FGF1: variants seen among roughly 807,000 people sequenced by gnomAD.
The protein encoded by FGF1 is fibroblast growth factor 1, also known as beta-endothelial cell growth factor.
Under a neutral mutation model 13.4 loss-of-function variants are expected in FGF1, and 9 were observed. That is an observed-to-expected ratio of 0.67 (90% confidence interval 0.40 to 1.17). FGF1 has a LOEUF of 1.17. FGF1 is among the 50% of genes most tolerant of loss of function. The probability of loss-of-function intolerance (pLI) is 0.01; values close to 1 mark genes in which losing one functional copy is unlikely to be tolerated. For missense variants in FGF1, 156 were observed against 192.7 expected, an observed-to-expected ratio of 0.81 and a Z score of 1.13; for synonymous variants, 93 against 79.0, an observed-to-expected ratio of 1.18 and a Z score of -0.94.
intron 1 of FGF1, among the ~76,000 whole-genome samples, chr5:142,629,128 G>A (rs1205869113): frequency 6.6e-6 from 1 of 152,096 alleles, no homozygotes; most frequent in Non-Finnish European, 1.5e-5. Flanking sequence ...TTTATACAAT[G>A]TAGGAAGTTT....
rs1164672588 is a variant in FGF1 at position 142,662,782 on chromosome 5, AAAAT to A, written c.-35+23171_-35+23174del. On this transcript the variant is annotated intron_variant, in intron 1 of 3. Transcript: ENST00000337706. ...CTTTTCATACTTTGATTAAATACTG[AAAAT>A]AAATAAATCTAACATCCAGTAAAGG... 2.6e-5 allele frequency among the ~76,000 whole-genome samples: 4 copies of A among 152,236 alleles called. No individual in the cohort carries two copies. The East Asian group carries it at 7.7e-4, about 29-fold the overall frequency.
In FGF1 at chr5:142,619,971, C is replaced by A. The variant is rs568302489; in HGVS notation, c.-34-5810G>T. Among the ~76,000 whole-genome samples, 3 of 150,366 alleles carry A rather than the reference C, an allele frequency of 2.0e-5. No homozygotes were observed. In the East Asian group the frequency reaches 5.8e-4, roughly 29 times the overall value. ...ATAAATCCAAATATATGTATAATCA[C>A]AATAAATGTAAATGTGCTAAATTTA... On this transcript the variant is annotated intron_variant, in intron 1 of 3. Coordinates refer to ENST00000337706, the MANE Select transcript of FGF1 (RefSeq NM_000800.5).
At chr5:142,667,710 G>A (rs1484395199) in intron 1 of FGF1, among the ~76,000 whole-genome samples, 1 of 152,090 alleles carries the variant, frequency 6.6e-6, no homozygotes, top group Non-Finnish European at 1.5e-5. Flanking sequence ...ACTACCAAAT[G>A]TCCCATGCTA....
intron 1 of FGF1, among the ~76,000 whole-genome samples, chr5:142,649,412 GTTT>G (rs59789895): frequency 6.9e-6 from 1 of 145,926 alleles, no homozygotes. Context: ...GGTGGACATT[GTTT>G]TTTTTTTTTG....
intron 1 of FGF1, among the ~76,000 whole-genome samples, chr5:142,623,499 C>G (rs1761984845): frequency 6.6e-6 from 1 of 152,046 alleles, no homozygotes; most frequent in South Asian, 2.1e-4. Context: ...GCACATACCA[C>G]CACGTCCAAC....
intron 1 of FGF1, chr5:142,626,943 A>G (rs1161229533): frequency 6.6e-6 from 1 of 152,198 alleles, no homozygotes; most frequent in Non-Finnish European, 1.5e-5. Flanking sequence ...CAAGTCATGT[A>G]ACCTTTCTGG....
rs905290554 is a variant in FGF1 at position 142,616,134 on chromosome 5, T to C, written c.-34-1973A>G. On this transcript the variant is annotated intron_variant, in intron 1 of 3. Coordinates refer to ENST00000337706, the MANE Select transcript of FGF1 (RefSeq NM_000800.5). ...GCCTGTAGCAGCTGTGCGGAGCTGCTCTCATAGGAGATGGTTCCATCATAA... is the reference window on the plus strand; with the variant it reads ...GCCTGTAGCAGCTGTGCGGAGCTGCCCTCATAGGAGATGGTTCCATCATAA... 8.5e-5 allele frequency among the ~76,000 whole-genome samples: 13 copies of C among 152,332 alleles called. No homozygotes were observed. The East Asian group carries it at 2.3e-3, about 27-fold the overall frequency.
intron 1 of FGF1, among the ~76,000 whole-genome samples, chr5:142,665,601 C>A (rs1008138489): frequency 2.6e-5 from 4 of 152,166 alleles, no homozygotes; most frequent in African/African-American, 9.7e-5. Context: ...ATTCCCTCAA[C>A]ACTCAGTGAC....
intron 1 of FGF1, among the ~76,000 whole-genome samples, chr5:142,647,946 G>A (rs370853767): frequency 1.3e-5 from 2 of 152,268 alleles, no homozygotes; most frequent in South Asian, 2.1e-4. Flanking sequence ...TTAGCTGGGC[G>A]TGGTGGTGCG....
chr5:142,632,561 A>G (rs1763537158), intron 1 of FGF1, among the ~76,000 whole-genome samples: 1 of 152,244 alleles, frequency 6.6e-6, no homozygotes, highest in Non-Finnish European at 1.5e-5. Context: ...GAAAATACAG[A>G]TAAACAATAA....
At chr5:142,695,002 A>G (rs1752878453) in intron 2 of FGF1, among the ~76,000 whole-genome samples, 1 of 152,192 alleles carries the variant, frequency 6.6e-6, no homozygotes. Flanking sequence ...AAACTCAGGC[A>G]GCAGGAAATT....
At chr5:142,601,968 G>T (rs1367653869) in intron 2 of FGF1, among the ~76,000 whole-genome samples, 9 of 152,130 alleles carry the variant, frequency 5.9e-5, no homozygotes. Context: ...TAATTTATTT[G>T]GTCACTAGAC....
chr5:142,644,169 G>A (rs1765637177), intron 1 of FGF1: 1 of 152,260 alleles, frequency 6.6e-6, no homozygotes, highest in South Asian at 2.1e-4. Flanking sequence ...TTTGAGCAGT[G>A]AACTCACTCA....
At chr5:142,607,110 G>C (rs1053737147) in intron 2 of FGF1, among the ~76,000 whole-genome samples, 1 of 152,120 alleles carries the variant, frequency 6.6e-6, no homozygotes, top group African/African-American at 2.4e-5. Context: ...CGTGACCCCT[G>C]AGATGTTTTA....
chr5:142,683,876 C>G (rs932743889), intron 1 of FGF1, among the ~76,000 whole-genome samples: 1 of 136,894 alleles, frequency 7.3e-6, no homozygotes, highest in African/African-American at 2.7e-5. Flanking sequence ...TCCTTTATCA[C>G]AAACCCTTGT....
intron 2 of FGF1, among the ~76,000 whole-genome samples, chr5:142,604,310 G>A (rs984455938): frequency 1.3e-5 from 2 of 152,060 alleles, no homozygotes; most frequent in African/African-American, 4.8e-5. Context: ...CAGACTTTAT[G>A]GTTTTCAGAG....
At chr5:142,675,125 G>A (rs1219910865) in intron 1 of FGF1, among the ~76,000 whole-genome samples, 1 of 152,160 alleles carries the variant, frequency 6.6e-6, no homozygotes, top group Non-Finnish European at 1.5e-5. Flanking sequence ...CCCCTGCGCC[G>A]CATGCATCTG....
intron 3 of FGF1, among the ~76,000 whole-genome samples, chr5:142,598,067 G>T (rs1755671497): frequency 6.6e-6 from 1 of 152,218 alleles, no homozygotes; most frequent in Non-Finnish European, 1.5e-5. Context: ...TGACTCTGCT[G>T]CCTCTAGAGG....
intron 1 of FGF1, chr5:142,627,028 G>C (rs1265537778): frequency 2.6e-5 from 4 of 152,314 alleles, no homozygotes; most frequent in Non-Finnish European, 4.4e-5. Flanking sequence ...GAAAGGAATA[G>C]GACAAGGTCC....
Sources: allele counts gnomAD v4.1 joint callset (sites outside exome capture counted in the v4.1 genomes callset), GRCh38; gene constraint gnomAD v4.1.1; transcripts MANE v1.5; gene names NCBI Gene and HGNC (gene_info 2026-07-23, HGNC 2026-07-21).